Variants in STIM1 observed in about 807,000 individuals in gnomAD.
The protein encoded by STIM1 is stromal interaction molecule 1.
A neutral mutation model predicts 74.7 loss-of-function variants in STIM1; 25 were observed. That is an observed-to-expected ratio of 0.33 (90% confidence interval 0.24 to 0.47). STIM1 has a LOEUF of 0.47. Ranked by LOEUF, STIM1 falls within the 20% of genes least tolerant of loss-of-function variation. The probability of loss-of-function intolerance (pLI) is 1.00; values close to 1 mark genes in which losing one functional copy is unlikely to be tolerated. For synonymous variants in STIM1, 328 were observed against 348.8 expected (o/e 0.94, Z 0.66); for missense variants, 728 against 920.8 (o/e 0.79, Z 2.71).
At chr11:3,977,587 A>G (rs1008292352) in intron 2 of STIM1, among the ~76,000 whole-genome samples, 2 of 152,264 alleles carry the variant, frequency 1.3e-5, no homozygotes, top group African/African-American at 4.8e-5. Context: ...TGAATAATGC[A>G]TGTAAAGCAC....
At chr11:3,956,404 T>C (rs924970295) in intron 1 of STIM1, among the ~76,000 whole-genome samples, 44 of 152,060 alleles carry the variant, frequency 2.9e-4, no homozygotes, top group African/African-American at 1.1e-3. Flanking sequence ...GTAGGAAGGT[T>C]AGGGAAAAAA....
intron 2 of STIM1, among the ~76,000 whole-genome samples, chr11:3,991,765 T>A (rs1489846059): frequency 6.6e-6 from 1 of 151,042 alleles, no homozygotes; most frequent in Non-Finnish European, 1.5e-5. Flanking sequence ...CTGACCAACA[T>A]GGAGAAACCC....
At chr11:3,864,555 G>C (rs986662702) in intron 1 of STIM1, among the ~76,000 whole-genome samples, 1 of 152,190 alleles carries the variant, frequency 6.6e-6, no homozygotes. Flanking sequence ...TAGAACAAGT[G>C]GTCCAAGAGA....
chr11:3,983,734 C>G (rs2093529773), intron 2 of STIM1, among the ~76,000 whole-genome samples: 1 of 152,194 alleles, frequency 6.6e-6, no homozygotes, highest in Admixed American at 6.5e-5. Flanking sequence ...ACCTGAGAAG[C>G]AGAGCTCTCC....
intron 3 of STIM1, among the ~76,000 whole-genome samples, chr11:4,050,182 T>C (rs1204462368): frequency 6.6e-6 from 1 of 152,206 alleles, no homozygotes; most frequent in Non-Finnish European, 1.5e-5. Flanking sequence ...CTAAGCACTA[T>C]GGGCAGAAAG....
At position 4,002,972 on chromosome 11, in the gene STIM1, A is replaced by C. The variant is rs11493481; in HGVS notation, c.271-20901A>C. Among the ~76,000 whole-genome samples the C allele has an allele frequency of 4.2e-3, 603 of 144,714 alleles. 1 individual carries two copies. Among genetic ancestry groups the C allele is most frequent in the Non-Finnish European group, 6.6e-3 (422 of 63,636 alleles). The allele number at this position is 144,714 out of a possible 152,430, so 94.9% of individuals were successfully genotyped here. On this transcript the variant is annotated intron_variant, in intron 2 of 12. Transcript: ENST00000526596. ...ATACTACAAACACCTCTATGCAAATATACTAGAAAATCTAGAAGAAATGGA... is the reference window on the plus strand; with the variant it reads ...ATACTACAAACACCTCTATGCAAATCTACTAGAAAATCTAGAAGAAATGGA...
chr11:3,920,208 G>A (rs935570293), intron 1 of STIM1, among the ~76,000 whole-genome samples: 9 of 151,526 alleles, frequency 5.9e-5, no homozygotes, highest in African/African-American at 2.2e-4. Context: ...CAGTCTTTCT[G>A]CCTCAGCCTC....
chr11:3,963,756 G>A (rs1298107996), intron 1 of STIM1, among the ~76,000 whole-genome samples: 1 of 152,192 alleles, frequency 6.6e-6, no homozygotes, highest in Non-Finnish European at 1.5e-5. Context: ...CCAGTATGTT[G>A]AATGTTACCA....
At chr11:4,047,828 T>A (rs2094205839) in intron 3 of STIM1, among the ~76,000 whole-genome samples, 1 of 150,466 alleles carries the variant, frequency 6.6e-6, no homozygotes, top group Non-Finnish European at 1.5e-5. Context: ...CTCTTTTTTT[T>A]TTTTTTTTGA....
intron 6 of STIM1, among the ~76,000 whole-genome samples, chr11:4,073,486 T>G (rs189571955): frequency 6.6e-6 from 1 of 152,384 alleles, no homozygotes; most frequent in East Asian, 1.9e-4. Flanking sequence ...TACTTGTCTT[T>G]GTTGGAGTAA....
At chr11:3,974,010 G>A in intron 2 of STIM1, 1 of 686,508 alleles carries the variant, frequency 1.5e-6, no homozygotes, top group South Asian at 1.5e-5. Context: ...TCCACCTTAT[G>A]TAGCCTTGCA....
chr11:4,002,880 A>C (rs999069986), intron 2 of STIM1, among the ~76,000 whole-genome samples: 4 of 140,064 alleles, frequency 2.9e-5, no homozygotes, highest in African/African-American at 7.7e-5. Flanking sequence ...AATCAAATAG[A>C]CGCAATAAAA....
intron 1 of STIM1, among the ~76,000 whole-genome samples, chr11:3,948,317 CTCT>C (rs1279966077): frequency 2.0e-5 from 3 of 151,932 alleles, no homozygotes; most frequent in Admixed American, 6.6e-5. Flanking sequence ...ATCTCCCTTT[CTCT>C]TCTTCTAGGT....
intron 7 of STIM1, among the ~76,000 whole-genome samples, chr11:4,076,386 T>C (rs1183876075): frequency 7.1e-6 from 1 of 141,334 alleles, no homozygotes; most frequent in African/African-American, 2.6e-5. Context: ...CTTGGGAGGC[T>C]GAGGCAGGAG....
At chr11:3,884,439 C>G (rs562705053) in intron 1 of STIM1, among the ~76,000 whole-genome samples, 10 of 152,284 alleles carry the variant, frequency 6.6e-5, no homozygotes, top group African/African-American at 2.4e-4. Context: ...ACAAAAGGAA[C>G]TGGTTTCTGC....
intron 1 of STIM1, among the ~76,000 whole-genome samples, chr11:3,949,664 G>A (rs2093121186): frequency 6.6e-6 from 1 of 152,170 alleles, no homozygotes; most frequent in Non-Finnish European, 1.5e-5. Flanking sequence ...GGAACCCTGT[G>A]AAGGATTTTT....
intron 1 of STIM1, among the ~76,000 whole-genome samples, chr11:3,961,917 C>T (rs2093290413): frequency 1.3e-5 from 2 of 152,140 alleles, no homozygotes; most frequent in South Asian, 4.1e-4. Context: ...CATGACCTAA[C>T]ATTTAGTGGG....
intron 3 of STIM1, among the ~76,000 whole-genome samples, chr11:4,038,426 A>T (rs980964260): frequency 1.3e-5 from 2 of 152,156 alleles, no homozygotes; most frequent in Admixed American, 6.6e-5. Context: ...ATAATAAAAA[A>T]AAAAAGAAGC....
intron 4 of STIM1, among the ~76,000 whole-genome samples, chr11:4,056,903 T>A (rs2094293935): frequency 6.6e-6 from 1 of 152,238 alleles, no homozygotes; most frequent in African/African-American, 2.4e-5. Flanking sequence ...GAGCTGGGAT[T>A]TGAACCCAGG....
Sources: allele counts gnomAD v4.1 joint callset (sites outside exome capture counted in the v4.1 genomes callset), GRCh38; gene constraint gnomAD v4.1.1; transcripts MANE v1.5; gene names NCBI Gene and HGNC (gene_info 2026-07-23, HGNC 2026-07-21).